The following TBCD variants were observed in gnomAD, a reference collection of about 807,000 sequenced individuals.
The protein encoded by TBCD is tubulin folding cofactor D.
Under a neutral mutation model 169.3 loss-of-function variants are expected in TBCD, and 105 were observed. That is an observed-to-expected ratio of 0.62 (90% CI 0.53 to 0.73). The LOEUF (loss-of-function observed/expected upper bound fraction) is 0.73. Ranked by LOEUF, TBCD falls within the 30% of genes least tolerant of loss-of-function variation. The pLI is 0.00. For missense variants in TBCD, 1,444 were observed against 1,600.1 expected, an observed-to-expected ratio of 0.90 and a Z score of 1.66; for synonymous variants, 700 against 643.9, an observed-to-expected ratio of 1.09 and a Z score of -1.32.
intron 13 of TBCD, among the ~76,000 whole-genome samples, chr17:82,850,754 C>T (rs2055724036): frequency 6.6e-6 from 1 of 152,218 alleles, no homozygotes; most frequent in African/African-American, 2.4e-5. Flanking sequence ...TGATCCATCC[C>T]TGCATTGAAT....
At chr17:82,827,688 A>G (rs1369008422) in intron 13 of TBCD, among the ~76,000 whole-genome samples, 2 of 152,018 alleles carry the variant, frequency 1.3e-5, no homozygotes, top group African/African-American at 4.8e-5. Context: ...CTACCCCCAC[A>G]GATAGCACAC....
chr17:82,911,824 C>T lies in TBCD; in HGVS notation c.2038+35C>T, dbSNP rs751437703. The T allele has an allele frequency of 2.5e-6, 4 of 1,612,470 alleles. No individual in the cohort carries two copies. The Admixed American group carries it at 5.0e-5, about 20-fold the overall frequency. The stretch of plus-strand genomic sequence containing the variant: ...AAGGCCTTTGCAGCCCTCTGCAGCC[C>T]TTTGCCGCAGCCATCGTTGAGGGAG... On this transcript the variant is annotated intron_variant, in intron 23 of 38. Coordinates refer to ENST00000355528, the MANE Select transcript of TBCD (RefSeq NM_005993.5).
chr17:82,819,467 G>A (rs1221340611), intron 13 of TBCD, among the ~76,000 whole-genome samples: 8 of 152,130 alleles, frequency 5.3e-5, no homozygotes, highest in South Asian at 2.1e-4. Context: ...ACACCACCAC[G>A]CCCAGCTAAT....
Position 82,945,604 on chromosome 17 carries a change from T to C in TBCD, c.*3141T>C, listed in dbSNP as rs2063644747. ...CAAAATTAAGTCATTTAGATAAAAATATGCCATTCTTATCTGTTTGGTTTT... is the reference window on the plus strand; with the variant it reads ...CAAAATTAAGTCATTTAGATAAAAACATGCCATTCTTATCTGTTTGGTTTT... On this transcript the variant is annotated 3_prime_UTR_variant, in exon 39 of 39. Coordinates refer to ENST00000355528, the MANE Select transcript of TBCD (RefSeq NM_005993.5). 6.6e-6 allele frequency: 1 copy of C among 152,216 alleles called. No individual in the cohort carries two copies. The highest frequency in any genetic ancestry group is 1.5e-5 in the Non-Finnish European group (1 of 68,038). The allele number at this position is 152,216 out of a possible 1,614,324, so 9.4% of individuals were successfully genotyped here.
intron 13 of TBCD, chr17:82,839,933 T>C (rs2054321589): frequency 6.6e-6 from 1 of 152,388 alleles, no homozygotes; most frequent in Admixed American, 6.5e-5. Flanking sequence ...TTACCAGAGG[T>C]GGGCAGTGCT....
intron 13 of TBCD, among the ~76,000 whole-genome samples, chr17:82,828,076 TC>T (rs2053058827): frequency 9.1e-6 from 1 of 110,478 alleles, no homozygotes; most frequent in African/African-American, 3.6e-5. Flanking sequence ...CATGTGCACA[TC>T]CACACAATCG....
chr17:82,845,407 G>C (rs1275136096), intron 13 of TBCD, among the ~76,000 whole-genome samples: 1 of 142,902 alleles, frequency 7.0e-6, no homozygotes, highest in African/African-American at 2.7e-5. Context: ...TGTCCAGCTT[G>C]GCCCCTTCCT....
chr17:82,850,065 GC>G (rs1454485020), intron 13 of TBCD, among the ~76,000 whole-genome samples: 10 of 76,232 alleles, frequency 1.3e-4, no homozygotes, highest in Non-Finnish European at 2.0e-4. Flanking sequence ...TGGCTGTGCT[GC>G]TGTTGGCTGT....
chr17:82,923,306 A>G lies in TBCD; in HGVS notation c.2179-346A>G, dbSNP rs1458045603. ...TAGTAAAGTGATGCGTGTATCTGAC[A>G]GATGATGGTGAGCAGGCGTGCTGGA... On this transcript the variant is annotated intron_variant, in intron 25 of 38. Coordinates refer to ENST00000355528, the MANE Select transcript of TBCD (RefSeq NM_005993.5). This position sits in a 1 kb window ranked among gnomAD's most constrained non-coding sequence, Gnocchi z 4.6. 6.6e-6 allele frequency among the ~76,000 whole-genome samples: 1 copy of G among 152,224 alleles called. No individual in the cohort carries two copies. The highest frequency in any genetic ancestry group is 1.5e-5 in the Non-Finnish European group (1 of 68,036).
chr17:82,845,256 C>G (rs2054915652), intron 13 of TBCD, among the ~76,000 whole-genome samples: 1 of 152,160 alleles, frequency 6.6e-6, no homozygotes. Flanking sequence ...TCCAGCTCAG[C>G]CCCTTCCTGT....
At chr17:82,757,546 C>T (rs916008639) in intron 2 of TBCD, among the ~76,000 whole-genome samples, 1 of 150,386 alleles carries the variant, frequency 6.6e-6, no homozygotes, top group African/African-American at 2.5e-5. Context: ...GGCGTGAACC[C>T]GGGAGGCGGA....
intron 13 of TBCD, among the ~76,000 whole-genome samples, chr17:82,828,765 C>T (rs7207932): frequency 0.42 from 62,312 of 147,508 alleles, 13,122 homozygotes; most frequent in East Asian, 0.56. Flanking sequence ...ACACACACAT[C>T]TAATCAGATG....
chr17:82,913,403 A>C (rs1189700510), intron 23 of TBCD: 4 of 152,098 alleles, frequency 2.6e-5, no homozygotes, highest in Non-Finnish European at 4.4e-5. Context: ...GAAAGGGGGG[A>C]GTTAAAGGCG....
chr17:82,911,621 G>C (rs2060649733), intron 22 of TBCD, 137 bp from the exon 23 acceptor site: 1 of 792,446 alleles, frequency 1.3e-6, no homozygotes, highest in African/African-American at 1.7e-5. Flanking sequence ...ATAAAAGGTT[G>C]CTCATGCTCA....
chr17:82,791,827 C>A (rs1212536004), intron 7 of TBCD, among the ~76,000 whole-genome samples: 1 of 152,140 alleles, frequency 6.6e-6, no homozygotes, highest in African/African-American at 2.4e-5. Flanking sequence ...CCGTAGCGTG[C>A]ACTTAAACAT....
chr17:82,881,734 T>C (rs931671509), intron 14 of TBCD, among the ~76,000 whole-genome samples: 2 of 152,250 alleles, frequency 1.3e-5, no homozygotes, highest in African/African-American at 4.8e-5. Flanking sequence ...GTTTGTATTA[T>C]GTTGTTTCTG....
intron 23 of TBCD, chr17:82,913,261 G>A (rs1249486860): frequency 1.3e-5 from 2 of 152,330 alleles, no homozygotes; most frequent in Non-Finnish European, 2.9e-5. Context: ...TCGTGCCCTG[G>A]AGATGGCAGT....
At position 82,832,908 on chromosome 17, in the gene TBCD, C is replaced by T. The variant is rs2053645677; in HGVS notation, c.1318+17974C>T. The stretch of plus-strand genomic sequence containing the variant: ...TAGAGGTGGAGTGTGGTGTGTGGTG[C>T]GTTGAGTGTCTGTTCTGAGAATGCC... On this transcript the variant is annotated intron_variant, in intron 13 of 38. Transcript: ENST00000355528. The surrounding 1 kb of genome is among the most constrained non-coding windows in gnomAD (Gnocchi z 4.9). 1.3e-5 allele frequency among the ~76,000 whole-genome samples: 2 copies of T among 152,114 alleles called. No individual in the cohort carries two copies. Among genetic ancestry groups the T allele is most frequent in the South Asian group, 4.1e-4 (2 of 4,826 alleles).
In TBCD at chr17:82,861,755, C is replaced by T. The variant is rs569667669; in HGVS notation, c.1319-8469C>T. Among the ~76,000 whole-genome samples, 5 of 152,154 alleles carry T rather than the reference C, an allele frequency of 3.3e-5. No homozygotes were observed. The South Asian group carries it at 6.2e-4, about 19-fold the overall frequency. The stretch of plus-strand genomic sequence containing the variant: ...TTTACGTCTCTTCTAGGGAGTGAGT[C>T]GGTGGGCATAGGATGGCTAAGGTAT... On this transcript the variant is annotated intron_variant, in intron 13 of 38. Coordinates refer to ENST00000355528, the MANE Select transcript of TBCD (RefSeq NM_005993.5).
Sources: gnomAD v4.1 joint callset for allele counts (sites outside exome capture counted in the v4.1 genomes callset) on GRCh38, gnomAD v4.1.1 for gene constraint, Gnocchi (gnomAD v3.1) non-coding constraint, MANE v1.5 for transcripts, NCBI Gene and HGNC (gene_info 2026-07-23, HGNC 2026-07-21) for gene names.